EFNA5: variants seen among roughly 807,000 people sequenced by gnomAD.
The protein encoded by EFNA5 is ephrin A5.
In EFNA5, 5 loss-of-function variants were observed where a neutral mutation model predicts 22.9. The ratio of observed to expected loss-of-function variants is 0.22; its 90% CI spans 0.11 to 0.46. The LOEUF (loss-of-function observed/expected upper bound fraction) is 0.46. Among genes scored for constraint, EFNA5 ranks in the 20% least tolerant of loss-of-function variants. The probability of loss-of-function intolerance (pLI) is 0.99; values close to 1 mark genes in which losing one functional copy is unlikely to be tolerated. For synonymous variants in EFNA5, 113 were observed against 112.2 expected, an observed-to-expected ratio of 1.01 and a Z score of -0.04; for missense variants, 237 against 293.3, an observed-to-expected ratio of 0.81 and a Z score of 1.40.
chr5:107,391,064 C>T (rs191485676), intron 2 of EFNA5, among the ~76,000 whole-genome samples: 1 of 152,272 alleles, frequency 6.6e-6, no homozygotes, highest in African/African-American at 2.4e-5. Context: ...GAGGCTAATG[C>T]ATGAGAATTG....
intron 1 of EFNA5, among the ~76,000 whole-genome samples, chr5:107,576,641 T>G (rs1413648137): frequency 2.6e-5 from 4 of 152,204 alleles, no homozygotes; most frequent in Admixed American, 2.6e-4. Flanking sequence ...CCACTGCTTA[T>G]CCAGCATGTT....
At chr5:107,527,262 C>A (rs766696217) in intron 1 of EFNA5, among the ~76,000 whole-genome samples, 10 of 150,610 alleles carry the variant, frequency 6.6e-5, no homozygotes, top group Non-Finnish European at 1.5e-4. Context: ...ACTTTATTTT[C>A]TTTTAAAACA....
chr5:107,479,605 C>G (rs1489229989), intron 1 of EFNA5, among the ~76,000 whole-genome samples: 2 of 152,146 alleles, frequency 1.3e-5, no homozygotes, highest in Non-Finnish European at 2.9e-5. Context: ...CAAGAAGGCA[C>G]CAGAAAGTCC....
chr5:107,634,944 C>A (rs1475577708), intron 1 of EFNA5, among the ~76,000 whole-genome samples: 1 of 152,090 alleles, frequency 6.6e-6, no homozygotes, highest in African/African-American at 2.4e-5. Flanking sequence ...TCAAAAGAAA[C>A]GCATTTAACT....
At chr5:107,535,331 G>C (rs531008991) in intron 1 of EFNA5, among the ~76,000 whole-genome samples, 2 of 152,126 alleles carry the variant, frequency 1.3e-5, no homozygotes, top group Non-Finnish European at 2.9e-5. Context: ...TTAAAAAGTA[G>C]GCAATTTGCC....
At chr5:107,396,912 C>T (rs1223404586) in intron 2 of EFNA5, among the ~76,000 whole-genome samples, 2 of 152,028 alleles carry the variant, frequency 1.3e-5, no homozygotes, top group Non-Finnish European at 2.9e-5. Context: ...GTAAATCCTG[C>T]AGAGAGGAAA....
At chr5:107,536,839 G>C (rs1001093341) in intron 1 of EFNA5, among the ~76,000 whole-genome samples, 1 of 152,148 alleles carries the variant, frequency 6.6e-6, no homozygotes, top group Admixed American at 6.6e-5. Flanking sequence ...GGGTGCAGTG[G>C]GTCAGGCCTG....
chr5:107,543,898 G>A (rs1748097258), intron 1 of EFNA5, among the ~76,000 whole-genome samples: 1 of 152,156 alleles, frequency 6.6e-6, no homozygotes, highest in Admixed American at 6.5e-5. Context: ...ACATTCCATA[G>A]ATTCCGAAGA....
Position 107,378,329 on chromosome 5 carries a change from T to G in EFNA5, c.*2926A>C, listed in dbSNP as rs1747332251. The G allele has an allele frequency of 6.6e-6, 1 of 152,140 alleles. No individual in the cohort carries two copies. The allele number at this position is 152,140 out of a possible 1,614,324, so 9.4% of individuals were successfully genotyped here. A position where few individuals can be genotyped will look rare whatever the true frequency, so the allele number is the denominator to read the frequency against. On this transcript the variant is annotated 3_prime_UTR_variant, in exon 5 of 5. Transcript: ENST00000333274. ...CGGTATCCACTAAACAGACAGATCC[T>G]TATTTCCCTGCTTGATGTTGCAAAG...
At chr5:107,433,921 C>T (rs1749041080) in intron 1 of EFNA5, among the ~76,000 whole-genome samples, 1 of 150,938 alleles carries the variant, frequency 6.6e-6, no homozygotes, top group African/African-American at 2.4e-5. Flanking sequence ...AAAAAAATTG[C>T]TCCCTGTACT....
In EFNA5 at chr5:107,481,199, G is replaced by A. The variant is rs145634277; in HGVS notation, c.126-53690C>T. Among the ~76,000 whole-genome samples, 577 of 152,228 alleles carry A rather than the reference G, an allele frequency of 3.8e-3. 3 individuals are homozygous for A. The highest frequency in any genetic ancestry group is 0.012 in the African/African-American group (517 of 41,544). On this transcript the variant is annotated intron_variant, in intron 1 of 4. Coordinates refer to ENST00000333274, the MANE Select transcript of EFNA5 (RefSeq NM_001962.3). ...TCAACTGCAAATGAGAAAAACCCTCGGTTCTCCTGTATTCAGGAGAGTTTC... is the reference window on the plus strand; with the variant it reads ...TCAACTGCAAATGAGAAAAACCCTCAGTTCTCCTGTATTCAGGAGAGTTTC...
intron 2 of EFNA5, among the ~76,000 whole-genome samples, chr5:107,392,858 G>A (rs959103218): frequency 2.0e-5 from 3 of 152,194 alleles, no homozygotes; most frequent in Non-Finnish European, 2.9e-5. Flanking sequence ...TACATTTCAA[G>A]CTACTGTTAC....
chr5:107,415,854 G>A (rs1183187690), intron 2 of EFNA5, among the ~76,000 whole-genome samples: 1 of 152,224 alleles, frequency 6.6e-6, no homozygotes, highest in Non-Finnish European at 1.5e-5. Flanking sequence ...CTGCTGTGCT[G>A]CTTAAGGCTA....
intron 1 of EFNA5, among the ~76,000 whole-genome samples, chr5:107,434,614 C>G (rs1346630533): frequency 1.3e-5 from 2 of 152,158 alleles, no homozygotes; most frequent in African/African-American, 4.8e-5. Flanking sequence ...GAACCTGCTT[C>G]CAGGGAAATA....
At chr5:107,600,473 T>C (rs962141265) in intron 1 of EFNA5, among the ~76,000 whole-genome samples, 1 of 151,802 alleles carries the variant, frequency 6.6e-6, no homozygotes, top group Non-Finnish European at 1.5e-5. Flanking sequence ...TCAGCTAAGT[T>C]AATAAAAAAT....
At chr5:107,386,692 T>C (rs1747634150) in intron 4 of EFNA5, among the ~76,000 whole-genome samples, 2 of 152,180 alleles carry the variant, frequency 1.3e-5, no homozygotes, top group African/African-American at 4.8e-5. Flanking sequence ...TCCAGACCAA[T>C]TACTATTGAC....
At chr5:107,442,610 C>T (rs1298166852) in intron 1 of EFNA5, among the ~76,000 whole-genome samples, 2 of 152,038 alleles carry the variant, frequency 1.3e-5, no homozygotes, top group Non-Finnish European at 2.9e-5. Flanking sequence ...AAACTGTTTC[C>T]CTGCATTATA....
At chr5:107,604,711 C>T (rs780380768) in intron 1 of EFNA5, among the ~76,000 whole-genome samples, 11 of 152,132 alleles carry the variant, frequency 7.2e-5, no homozygotes, top group Non-Finnish European at 1.5e-4. Flanking sequence ...CACTGCCAGG[C>T]GTATTAAAAT....
At chr5:107,547,569 C>G (rs909143508) in intron 1 of EFNA5, among the ~76,000 whole-genome samples, 3 of 151,870 alleles carry the variant, frequency 2.0e-5, no homozygotes, top group Non-Finnish European at 4.4e-5. Context: ...AAACCAATGC[C>G]TGTTGTGCAA....
Sources: allele counts gnomAD v4.1 joint callset (sites outside exome capture counted in the v4.1 genomes callset), GRCh38; gene constraint gnomAD v4.1.1; transcripts MANE v1.5; gene names NCBI Gene and HGNC (gene_info 2026-07-23, HGNC 2026-07-21).